The following MYO7A variants were observed in gnomAD, a reference collection of about 807,000 sequenced individuals.
The protein encoded by MYO7A is myosin VIIA.
In MYO7A, 210 loss-of-function variants were observed where a neutral mutation model predicts 263.8. The ratio of observed to expected loss-of-function variants is 0.80; its 90% CI spans 0.71 to 0.89. The LOEUF (loss-of-function observed/expected upper bound fraction) is 0.89, where lower values mean the gene tolerates loss of function less well. Ranked by LOEUF, MYO7A falls within the 40% of genes least tolerant of loss-of-function variation. MYO7A has a pLI of 0.00. For synonymous variants in MYO7A, 1,239 were observed against 1,197.3 expected (o/e 1.03, Z -0.72); for missense variants, 2,820 against 2,968.3 (o/e 0.95, Z 1.16).
Position 77,190,690 on chromosome 11 carries a change from C to T in MYO7A, c.3751-7C>T. On this transcript the variant is annotated splice_region_variant and splice_polypyrimidine_tract_variant and intron_variant, in intron 29 of 48. Coordinates refer to ENST00000409709, the MANE Select transcript of MYO7A (RefSeq NM_000260.4). The stretch of plus-strand genomic sequence containing the variant: ...GGACCCCACAAACCCTCTTGGGGCA[C>T]TTCCAGGCCACCAAGTCCAAGAAGC... The T allele has an allele frequency of 6.3e-7, 1 of 1,583,186 alleles. No individual in the cohort carries two copies. Among genetic ancestry groups the T allele is most frequent in the Non-Finnish European group, 8.6e-7 (1 of 1,166,070 alleles).
intron 4 of MYO7A, among the ~76,000 whole-genome samples, chr11:77,151,058 T>A (rs74523315): frequency 0.066 from 10,123 of 152,240 alleles, 485 homozygotes; most frequent in East Asian, 0.23. Flanking sequence ...TGTCTTGGGC[T>A]CGCCTGCCTC....
At position 77,130,584 on chromosome 11, in the gene MYO7A, T is replaced by C; in HGVS notation, c.-46-5T>C. On this transcript the variant is annotated splice_polypyrimidine_tract_variant and splice_region_variant and intron_variant, in intron 1 of 48. Coordinates refer to ENST00000409709, the MANE Select transcript of MYO7A (RefSeq NM_000260.4). The stretch of plus-strand genomic sequence containing the variant: ...AGAAGCATGACATGGTCTCTCTCCC[T>C]GCAGAACTGTGCCTGGCCCAGTGGG... 6.2e-7 allele frequency: 1 copy of C among 1,608,062 alleles called. No homozygotes were observed. Among genetic ancestry groups the C allele is most frequent in the Non-Finnish European group, 8.5e-7 (1 of 1,176,980 alleles).
chr11:77,173,290 G>T (rs537815080), intron 16 of MYO7A, among the ~76,000 whole-genome samples: 1 of 152,164 alleles, frequency 6.6e-6, no homozygotes. Context: ...GTTCTTGCTG[G>T]GGCTGCTTCT....
At chr11:77,163,228 A>G (rs1438122475) in intron 14 of MYO7A, among the ~76,000 whole-genome samples, 1 of 152,108 alleles carries the variant, frequency 6.6e-6, no homozygotes, top group East Asian at 1.9e-4. Context: ...CGCCCCAAAC[A>G]GAGGCTCTGC....
chr11:77,174,799 G>C lies in MYO7A; in HGVS notation c.1979G>C (p.Gly660Ala). Residue 660 changes from glycine (G) to alanine (A), a missense_variant, in exon 17 of 49, where the codon GGA becomes GCA. Transcript: ENST00000409709. ...TGCGTGCGCCAGCTGCGGTACTCAGGAATGATGGAGACCATCCGAATCCGC... is the reference window on the plus strand; with the variant it reads ...TGCGTGCGCCAGCTGCGGTACTCAGCAATGATGGAGACCATCCGAATCCGC... ...HLCVRQLRYS[G>A]MMETIRIRRA... 6.2e-7 allele frequency: 1 copy of C among 1,611,250 alleles called. No individual in the cohort carries two copies. Among genetic ancestry groups the C allele is most frequent in the Non-Finnish European group, 8.5e-7 (1 of 1,178,996 alleles).
intron 19 of MYO7A, 125 bp downstream of exon 19, chr11:77,177,768 G>A (rs1164666007): frequency 2.9e-6 from 2 of 701,684 alleles, no homozygotes; most frequent in Non-Finnish European, 5.0e-6. Context: ...TGAAACAAGT[G>A]CACACATGCA....
intron 4 of MYO7A, among the ~76,000 whole-genome samples, chr11:77,153,495 A>G (rs1485064280): frequency 4.6e-5 from 7 of 152,062 alleles, no homozygotes; most frequent in African/African-American, 1.7e-4. Flanking sequence ...GGTGGGAGAA[A>G]GCCTGGCCCC....
chr11:77,189,558 A>G, intron 28 of MYO7A, 88 bp downstream of exon 28: 1 of 1,565,412 alleles, frequency 6.4e-7, no homozygotes. Context: ...GGGGCTCCAA[A>G]GGGCCTGGTC....
At chr11:77,186,751 C>A (rs1955675535) in intron 27 of MYO7A, among the ~76,000 whole-genome samples, 1 of 152,210 alleles carries the variant, frequency 6.6e-6, no homozygotes, top group Non-Finnish European at 1.5e-5. Flanking sequence ...TTTCACTTTC[C>A]TATCATTTGC....
intron 4 of MYO7A, among the ~76,000 whole-genome samples, chr11:77,151,269 C>T (rs1490215009): frequency 6.6e-6 from 1 of 152,218 alleles, no homozygotes; most frequent in Admixed American, 6.5e-5. Context: ...AGGCTGGAGC[C>T]CTGATCTGGG....
chr11:77,197,352 G>C, intron 32 of MYO7A, 129 bp from the exon 33 acceptor site: 1 of 670,422 alleles, frequency 1.5e-6, no homozygotes, highest in Non-Finnish European at 2.5e-6. Flanking sequence ...TGGGAGCAGG[G>C]CAAGGCCACG....
In MYO7A at chr11:77,181,540, CT is replaced by C; in HGVS notation, c.2857del (p.Ser953GlnfsTer109). 1 of 1,613,464 alleles carries C rather than the reference CT, an allele frequency of 6.2e-7. No homozygotes were observed. Among genetic ancestry groups the C allele is most frequent in the Admixed American group, 1.7e-5 (1 of 60,014 alleles). ...GACAAGATGTTTGGCTTCCTGGGGA[CT>C]TCAGGTGGCCTGCCAGGCCAGGAGG... is the stretch of plus-strand genomic sequence containing the variant. ...MVDKMFGFLG[T>X]SGGLPGQEGQ... On this transcript the variant is annotated frameshift_variant, in exon 23 of 49. Coordinates refer to ENST00000409709, the MANE Select transcript of MYO7A (RefSeq NM_000260.4). LOFTEE classifies it high-confidence loss of function.
intron 21 of MYO7A, 84 bp from the exon 22 acceptor site, chr11:77,180,288 CAG>C: frequency 1.0e-6 from 1 of 967,794 alleles, no homozygotes; most frequent in Non-Finnish European, 1.5e-6. Flanking sequence ...TTCCAGAACT[CAG>C]AGTTGGGTGG....
intron 2 of MYO7A, among the ~76,000 whole-genome samples, chr11:77,137,765 G>A (rs1055702400): frequency 2.0e-5 from 3 of 152,080 alleles, no homozygotes; most frequent in Non-Finnish European, 4.4e-5. Context: ...CAGGATGGAC[G>A]TGGGCTGCTA....
chr11:77,164,707 C>T (rs1242347072), intron 14 of MYO7A, among the ~76,000 whole-genome samples: 1 of 152,194 alleles, frequency 6.6e-6, no homozygotes, highest in Non-Finnish European at 1.5e-5. Flanking sequence ...ATGCTCTTAG[C>T]ATCTATTATG....
chr11:77,194,273 G>T, intron 31 of MYO7A, 81 bp from the exon 32 acceptor site: 1 of 1,491,012 alleles, frequency 6.7e-7, no homozygotes, highest in Non-Finnish European at 9.1e-7. Flanking sequence ...GCCAGGAGAG[G>T]GGCCTGGAGC....
At chr11:77,170,695 C>T (rs1379427162) in intron 15 of MYO7A, among the ~76,000 whole-genome samples, 3 of 151,970 alleles carry the variant, frequency 2.0e-5, no homozygotes, top group African/African-American at 7.3e-5. Context: ...CTTTCCTCTT[C>T]ACTAACTCCC....
In MYO7A at chr11:77,207,292, T is replaced by G. The variant is rs1291218729; in HGVS notation, c.5746T>G (p.Phe1916Val). The change falls in exon 42 of 49, where the codon TTC (phenylalanine) becomes GTC (valine). Residue 1916 changes from phenylalanine to valine, a missense_variant. Physicochemically the swap from Phe to Val is conservative, Grantham distance 50. Coordinates refer to ENST00000409709, the MANE Select transcript of MYO7A (RefSeq NM_000260.4). ...VYFPDDTDEAFEVESSTKAKD... is the reference protein window; with the variant it reads ...VYFPDDTDEAVEVESSTKAKD... The stretch of plus-strand genomic sequence containing the variant: ...CAGTGCTCACTGCCCCTCCCAGGCC[T>G]TCGAAGTGGAGTCCAGCACCAAGGC... 1.2e-6 allele frequency: 2 copies of G among 1,608,764 alleles called. No individual in the cohort carries two copies. The highest frequency in any genetic ancestry group is 8.5e-7 in the Non-Finnish European group (1 of 1,177,554).
intron 1 of MYO7A, among the ~76,000 whole-genome samples, chr11:77,130,331 T>A (rs1049707214): frequency 1.5e-4 from 23 of 152,230 alleles, no homozygotes; most frequent in African/African-American, 5.3e-4. Flanking sequence ...GACTTGCTAC[T>A]TTCTAGGAGC....
Sources: gnomAD v4.1 joint callset for allele counts (sites outside exome capture counted in the v4.1 genomes callset) on GRCh38, gnomAD v4.1.1 for gene constraint, MANE v1.5 for transcripts, NCBI Gene and HGNC (gene_info 2026-07-23, HGNC 2026-07-21) for gene names.